CSMD1: variants seen among roughly 807,000 people sequenced by gnomAD.
CSMD1 encodes CUB and Sushi multiple domains 1, also known as CUB and sushi domain-containing protein 1.
A neutral mutation model predicts 417.5 loss-of-function variants in CSMD1; 213 were observed. That is an observed-to-expected ratio of 0.51 (90% confidence interval 0.46 to 0.57). The LOEUF (loss-of-function observed/expected upper bound fraction) is 0.57. CSMD1 is among the 20% of genes least tolerant of loss of function. The pLI is 0.00. For synonymous variants in CSMD1, 2,862 were observed against 1,736.8 expected (o/e 1.65, Z -16.11); for missense variants, 6,923 against 4,529.7 (o/e 1.53, Z -15.17).
chr8:4,646,425 G>C (rs751188979), intron 1 of CSMD1, among the ~76,000 whole-genome samples: 7 of 152,258 alleles, frequency 4.6e-5, no homozygotes, highest in Non-Finnish European at 7.4e-5. Context: ...GGTTGTGGCA[G>C]TGAATGAATG....
intron 1 of CSMD1, among the ~76,000 whole-genome samples, chr8:4,857,413 A>T (rs1801868090): frequency 6.6e-6 from 1 of 152,132 alleles, no homozygotes; most frequent in Non-Finnish European, 1.5e-5. Context: ...AAATAACTAA[A>T]ATCAGAACAG....
At chr8:3,365,252 G>C (rs1412785741) in intron 20 of CSMD1, among the ~76,000 whole-genome samples, 2 of 152,224 alleles carry the variant, frequency 1.3e-5, no homozygotes, top group Admixed American at 6.5e-5. Flanking sequence ...GTCTGAGCCA[G>C]TCTTGAAAGC....
chr8:3,673,234 C>A (rs971634412), intron 7 of CSMD1, among the ~76,000 whole-genome samples: 1 of 152,180 alleles, frequency 6.6e-6, no homozygotes, highest in East Asian at 1.9e-4. Flanking sequence ...ATAAACATTT[C>A]CAAATTCGTT....
chr8:4,916,527 G>C (rs563609324), intron 1 of CSMD1, among the ~76,000 whole-genome samples: 17 of 152,322 alleles, frequency 1.1e-4, no homozygotes, highest in African/African-American at 4.1e-4. Context: ...GCTAAATGCA[G>C]TTGTTTAGAA....
chr8:3,967,628 C>G (rs1812772238), intron 5 of CSMD1, among the ~76,000 whole-genome samples: 1 of 152,128 alleles, frequency 6.6e-6, no homozygotes, highest in South Asian at 2.1e-4. Flanking sequence ...ACGTGCATTA[C>G]TCACATTTCC....
At chr8:3,999,472 C>G (rs1180008558) in intron 4 of CSMD1, among the ~76,000 whole-genome samples, 1 of 152,174 alleles carries the variant, frequency 6.6e-6, no homozygotes, top group Non-Finnish European at 1.5e-5. Context: ...TTGGCAGGAT[C>G]TAAGCCTCAC....
chr8:4,920,897 AAAAGAAAAGAAAAGAAAAGAAAAGAAAAG>A (rs746750606), intron 1 of CSMD1, among the ~76,000 whole-genome samples: 11,703 of 70,472 alleles, frequency 0.17, 1,994 homozygotes, highest in Middle Eastern at 0.28. Flanking sequence ...AAAAGAAAAG[AAAAGAAAAGAAAAGAAAAGAAAAGAAAAG>A]AAAGAGAGAA....
chr8:4,444,938 A>C (rs547852159), intron 2 of CSMD1, among the ~76,000 whole-genome samples: 1 of 152,208 alleles, frequency 6.6e-6, no homozygotes, highest in African/African-American at 2.4e-5. Flanking sequence ...CTTCATTTAC[A>C]TAAAATAACT....
At chr8:4,605,595 T>C (rs984914834) in intron 2 of CSMD1, among the ~76,000 whole-genome samples, 36 of 152,250 alleles carry the variant, frequency 2.4e-4, no homozygotes, top group Non-Finnish European at 4.7e-4. Context: ...AAATCATGAA[T>C]AGTCAATAAA....
At chr8:3,476,690 G>A (rs996401190) in intron 11 of CSMD1, among the ~76,000 whole-genome samples, 4 of 151,968 alleles carry the variant, frequency 2.6e-5, no homozygotes, top group African/African-American at 9.7e-5. Context: ...GGCCAAGGCG[G>A]GCAGATTACT....
chr8:4,036,461 A>T (rs1018221069), intron 3 of CSMD1, among the ~76,000 whole-genome samples: 1 of 152,234 alleles, frequency 6.6e-6, no homozygotes, highest in Non-Finnish European at 1.5e-5. Context: ...CTCCCCAAGA[A>T]GGTGTCTGAA....
At chr8:4,678,459 T>A (rs1198572038) in intron 1 of CSMD1, among the ~76,000 whole-genome samples, 7 of 152,142 alleles carry the variant, frequency 4.6e-5, no homozygotes, top group Non-Finnish European at 1.0e-4. Context: ...CTATCACATT[T>A]TTATTATCAT....
chr8:4,909,512 C>A (rs769083402), intron 1 of CSMD1, among the ~76,000 whole-genome samples: 4 of 152,078 alleles, frequency 2.6e-5, no homozygotes, highest in Admixed American at 6.5e-5. Flanking sequence ...AAAGAGAAAG[C>A]CTTCCTGATG....
chr8:2,945,983 G>A (rs1411519530), intron 68 of CSMD1, among the ~76,000 whole-genome samples: 2 of 152,154 alleles, frequency 1.3e-5, no homozygotes, highest in Non-Finnish European at 2.9e-5. Flanking sequence ...TACATTCTGA[G>A]AAATGCTTCG....
chr8:3,154,035 C>G (rs1380143116), intron 39 of CSMD1, among the ~76,000 whole-genome samples: 3 of 152,168 alleles, frequency 2.0e-5, no homozygotes, highest in Non-Finnish European at 4.4e-5. Flanking sequence ...GGTGCAATCT[C>G]AGCTCACTGC....
intron 5 of CSMD1, among the ~76,000 whole-genome samples, chr8:3,831,473 A>T (rs1304378614): frequency 1.3e-5 from 2 of 152,194 alleles, no homozygotes; most frequent in East Asian, 3.9e-4. Context: ...TAAACATGAT[A>T]TTGAGGTACT....
At position 4,177,476 on chromosome 8, in the gene CSMD1, T is replaced by C. The variant is rs367846141; in HGVS notation, c.416-145377A>G. Among the ~76,000 whole-genome samples, 59 of 151,628 alleles carry C rather than the reference T, an allele frequency of 3.9e-4. 1 individual carries two copies. Among genetic ancestry groups the C allele is most frequent in the Middle Eastern group, 6.8e-3 (2 of 294 alleles). ...AGCACTAAATGTCCACAAGAGAAAG[T>C]AGGAAAGATCCAAAATTGACACCCG... On this transcript the variant is annotated intron_variant, in intron 3 of 69. Transcript: ENST00000635120.
intron 1 of CSMD1, among the ~76,000 whole-genome samples, chr8:4,691,877 G>A (rs775588639): frequency 2.6e-5 from 4 of 152,212 alleles, no homozygotes; most frequent in African/African-American, 9.6e-5. Flanking sequence ...ACACTCCTGT[G>A]ATTTGGCAGG....
chr8:4,533,866 T>A (rs1364034375), intron 2 of CSMD1, among the ~76,000 whole-genome samples: 1 of 150,014 alleles, frequency 6.7e-6, no homozygotes, highest in Non-Finnish European at 1.5e-5. Flanking sequence ...TTGGAGTGTA[T>A]GTATGTGTAT....
Sources: allele counts gnomAD v4.1 joint callset (sites outside exome capture counted in the v4.1 genomes callset), GRCh38; gene constraint gnomAD v4.1.1; transcripts MANE v1.5; gene names NCBI Gene and HGNC (gene_info 2026-07-23, HGNC 2026-07-21).